TAX1BP1: variants seen among roughly 807,000 people sequenced by gnomAD.
TAX1BP1 encodes the protein Tax1 binding protein 1.
In TAX1BP1, 62 loss-of-function variants were observed where a neutral mutation model predicts 97.7. The observed-to-expected ratio is 0.63, with a 90% CI of 0.52 to 0.78. The LOEUF is 0.78. Among genes scored for constraint, TAX1BP1 ranks in the 30% least tolerant of loss-of-function variants. The probability of loss-of-function intolerance (pLI) is 0.00; values close to 1 mark genes in which losing one functional copy is unlikely to be tolerated. For missense variants in TAX1BP1, 867 were observed against 916.1 expected (o/e 0.95, Z 0.69); for synonymous variants, 340 against 304.2 (o/e 1.12, Z -1.23).
At chr7:27,759,662 C>T (rs1788351162) in intron 3 of TAX1BP1, among the ~76,000 whole-genome samples, 2 of 151,290 alleles carry the variant, frequency 1.3e-5, no homozygotes, top group Admixed American at 6.6e-5. Flanking sequence ...AAGACTTTTT[C>T]CTCTGGGTTT....
chr7:27,793,281 A>G (rs1224341484), intron 10 of TAX1BP1, 69 bp downstream of exon 10: 1 of 1,281,028 alleles, frequency 7.8e-7, no homozygotes, highest in African/African-American at 1.6e-5. Flanking sequence ...TCAAATTTGT[A>G]ATATTCCAAA....
intron 1 of TAX1BP1, 76 bp from the exon 2 acceptor site, chr7:27,748,442 A>C (rs1787906864): frequency 1.0e-6 from 1 of 998,396 alleles, no homozygotes; most frequent in Non-Finnish European, 1.3e-6. Context: ...ACTTATATTA[A>C]ATATTATGTA....
At chr7:27,766,639 A>T (rs1306028535) in intron 4 of TAX1BP1, among the ~76,000 whole-genome samples, 1 of 152,074 alleles carries the variant, frequency 6.6e-6, no homozygotes, top group Non-Finnish European at 1.5e-5. Flanking sequence ...GGGAGAGTTT[A>T]GGTCTAAAGC....
In TAX1BP1 at chr7:27,776,702, G is replaced by A. The variant is rs937724452; in HGVS notation, c.612+6868G>A. The stretch of plus-strand genomic sequence containing the variant: ...TTTTCATTAAATTTTGAAAATTTTA[G>A]GCCATTATTTCTTCAGCTGTTTTTT... On this transcript the variant is annotated intron_variant, in intron 5 of 16. Transcript: ENST00000396319. 2.0e-5 allele frequency among the ~76,000 whole-genome samples: 3 copies of A among 150,598 alleles called. No individual in the cohort carries two copies. The South Asian group carries it at 6.3e-4, about 31-fold the overall frequency.
chr7:27,809,148 G>A (rs1287779406), intron 13 of TAX1BP1, among the ~76,000 whole-genome samples: 1 of 128,326 alleles, frequency 7.8e-6, no homozygotes, highest in East Asian at 2.1e-4. Flanking sequence ...ATTTTGAAGT[G>A]GTGATCAATA....
intron 13 of TAX1BP1, among the ~76,000 whole-genome samples, chr7:27,810,661 T>A (rs1017013917): frequency 2.0e-5 from 3 of 152,130 alleles, no homozygotes; most frequent in Non-Finnish European, 4.4e-5. Context: ...TTCAGCTATA[T>A]CTCCTGCCTG....
chr7:27,787,032 C>G (rs1016862145), intron 7 of TAX1BP1, among the ~76,000 whole-genome samples: 3 of 152,084 alleles, frequency 2.0e-5, no homozygotes, highest in African/African-American at 7.2e-5. Context: ...TTGAATGCAC[C>G]CCTTCTAGTT....
At chr7:27,739,653 A>G (rs1787491356), upstream of TAX1BP1, 1 of 152,176 alleles carries the variant, frequency 6.6e-6, no homozygotes, top group Non-Finnish European at 1.5e-5. Flanking sequence ...CTTTCAGTGA[A>G]CAAAACTTCA....
At chr7:27,753,248 A>G (rs534414102) in intron 2 of TAX1BP1, among the ~76,000 whole-genome samples, 1 of 152,274 alleles carries the variant, frequency 6.6e-6, no homozygotes, top group South Asian at 2.1e-4. Context: ...TGCAGTGAGC[A>G]GAGATTGTAC....
chr7:27,780,379 A>G (rs1789205883), intron 5 of TAX1BP1, among the ~76,000 whole-genome samples: 1 of 152,206 alleles, frequency 6.6e-6, no homozygotes, highest in Admixed American at 6.5e-5. Context: ...GTAACCTTTG[A>G]TAAACTACTT....
intron 1 of TAX1BP1, among the ~76,000 whole-genome samples, chr7:27,748,084 T>A (rs10229483): frequency 0.61 from 92,933 of 151,820 alleles, 28,879 homozygotes; most frequent in East Asian, 0.87. Flanking sequence ...AGGAAGGAAA[T>A]GTTAATTGAC....
At chr7:27,821,366 C>T (rs1177407015) in intron 15 of TAX1BP1, among the ~76,000 whole-genome samples, 2 of 152,106 alleles carry the variant, frequency 1.3e-5, no homozygotes, top group African/African-American at 4.8e-5. Context: ...CATGGTGGCT[C>T]AAGCTTGTAA....
At chr7:27,810,136 T>A (rs1790499881) in intron 13 of TAX1BP1, among the ~76,000 whole-genome samples, 1 of 152,026 alleles carries the variant, frequency 6.6e-6, no homozygotes, top group Non-Finnish European at 1.5e-5. Context: ...CTTGATCTCC[T>A]GACCTCATGA....
intron 12 of TAX1BP1, among the ~76,000 whole-genome samples, chr7:27,799,752 C>T (rs545129147): frequency 3.3e-5 from 5 of 152,130 alleles, no homozygotes; most frequent in African/African-American, 1.2e-4. Flanking sequence ...TCAATTTGTA[C>T]ATCTGCCTTA....
chr7:27,797,610 T>G (rs1789986151), intron 12 of TAX1BP1, among the ~76,000 whole-genome samples: 1 of 152,038 alleles, frequency 6.6e-6, no homozygotes, highest in Non-Finnish European at 1.5e-5. Flanking sequence ...TGCTTATAAA[T>G]AGCAAAATCT....
chr7:27,748,098 T>G lies in TAX1BP1; in HGVS notation c.-7-420T>G, dbSNP rs558551271. 1.6e-4 allele frequency among the ~76,000 whole-genome samples: 24 copies of G among 152,266 alleles called. No homozygotes were observed. The South Asian group carries it at 4.1e-3, about 26-fold the overall frequency. Reference sequence around the variant, plus strand: ...TAGGAAGGAAATGTTAATTGACCCATAGCCAGTAAAATACTGACTTTTAAC... The same window carrying G: ...TAGGAAGGAAATGTTAATTGACCCAGAGCCAGTAAAATACTGACTTTTAAC... On this transcript the variant is annotated intron_variant, in intron 1 of 16. Transcript: ENST00000396319.
intron 3 of TAX1BP1, among the ~76,000 whole-genome samples, chr7:27,764,747 A>T (rs957085079): frequency 6.6e-6 from 1 of 152,016 alleles, no homozygotes; most frequent in Non-Finnish European, 1.5e-5. Flanking sequence ...TTGTATATTT[A>T]TTAGTTGATC....
At chr7:27,821,109 A>G (rs1583410114) in intron 15 of TAX1BP1, among the ~76,000 whole-genome samples, 3 of 152,344 alleles carry the variant, frequency 2.0e-5, no homozygotes, top group East Asian at 3.9e-4. Flanking sequence ...CAAAAGGATT[A>G]AATGAATCTT....
intron 8 of TAX1BP1, among the ~76,000 whole-genome samples, chr7:27,790,788 G>T (rs1789676175): frequency 6.6e-6 from 1 of 152,078 alleles, no homozygotes; most frequent in Non-Finnish European, 1.5e-5. Flanking sequence ...GCCAGTTACA[G>T]TTTATATAAG....
Sources: allele counts gnomAD v4.1 joint callset (sites outside exome capture counted in the v4.1 genomes callset), GRCh38; gene constraint gnomAD v4.1.1; transcripts MANE v1.5; gene names NCBI Gene and HGNC (gene_info 2026-07-23, HGNC 2026-07-21).